The following WNK1 variants were observed in gnomAD, a reference collection of about 807,000 sequenced individuals.
WNK1 encodes serine/threonine-protein kinase WNK1.
A neutral mutation model predicts 222.8 loss-of-function variants in WNK1; 38 were observed. The observed-to-expected ratio is 0.17, with a 90% confidence interval of 0.13 to 0.22. The LOEUF is 0.22. Among genes scored for constraint, WNK1 ranks in the 10% least tolerant of loss-of-function variants. The pLI, the probability that WNK1 is intolerant of heterozygous loss-of-function variation, is 1.00. For missense variants in WNK1, 2,348 were observed against 2,918.4 expected (o/e 0.80, Z 4.50); for synonymous variants, 1,090 against 1,092.9 (o/e 1.00, Z 0.05).
At chr12:818,471 C>T (rs1181764166) in intron 2 of WNK1, among the ~76,000 whole-genome samples, 2 of 152,000 alleles carry the variant, frequency 1.3e-5, no homozygotes, top group African/African-American at 4.8e-5. Flanking sequence ...ACCAGCCATT[C>T]GTGGATGGGA....
chr12:908,444 C>T (rs938981580), intron 27 of WNK1, 31 bp from the exon 28 acceptor site: 11 of 1,612,562 alleles, frequency 6.8e-6, no homozygotes, highest in Non-Finnish European at 9.3e-6. Flanking sequence ...TGGCCCACAC[C>T]AGACTTGACA....
intron 26 of WNK1, among the ~76,000 whole-genome samples, chr12:904,882 G>A (rs764178711): frequency 2.0e-5 from 3 of 152,220 alleles, no homozygotes; most frequent in Non-Finnish European, 2.9e-5. Flanking sequence ...ACTGAAGTGG[G>A]AGATGTGTGC....
At chr12:873,542 A>G (rs895847168) in intron 9 of WNK1, among the ~76,000 whole-genome samples, 2 of 152,232 alleles carry the variant, frequency 1.3e-5, no homozygotes, top group Non-Finnish European at 2.9e-5. Flanking sequence ...TAACTTCTCC[A>G]AAGTCACTTA....
chr12:902,805 C>CTA (rs889178801), intron 26 of WNK1, among the ~76,000 whole-genome samples: 3 of 152,186 alleles, frequency 2.0e-5, no homozygotes, highest in African/African-American at 7.2e-5. Flanking sequence ...GAGTCAGTGC[C>CTA]TACCTGGCAC....
rs745862944 is a variant in WNK1, at chr12:907,895, C to T, written c.6692C>T (p.Ala2231Val). The T allele has an allele frequency of 2.5e-6, 4 of 1,613,984 alleles. No homozygotes were observed. The African/African-American group carries it at 4.0e-5, about 16-fold the overall frequency. Reference protein sequence around the residue: ...TVGATVNSQAAQAQPPAMTSS... With the variant: ...TVGATVNSQAVQAQPPAMTSS... ...GGGGCAACAGTGAACAGCCAAGCCG[C>T]CCAAGCTCAGCCTCCTGCCATGACG... Residue 2231 changes from alanine (A) to valine (V), a missense_variant, in exon 27 of 28, where the codon GCC (alanine) becomes GTC (valine). Ala to Val is a moderately conservative substitution (Grantham distance 64). This residue lies in a region of WNK1 where 1,144 missense variants were observed against 1,273.6 expected (regional missense o/e 0.90). Transcript: ENST00000315939.
chr12:822,420 C>G (rs539478686), intron 2 of WNK1, among the ~76,000 whole-genome samples: 31 of 152,230 alleles, frequency 2.0e-4, no homozygotes, highest in Non-Finnish European at 4.1e-4. Context: ...TAGAGACAGT[C>G]TTGTACTGTT....
At chr12:829,916 A>G (rs562779141) in intron 3 of WNK1, 87 bp from the exon 4 acceptor site, 1 of 1,442,566 alleles carries the variant, frequency 6.9e-7, no homozygotes, top group Non-Finnish European at 9.7e-7. Flanking sequence ...CTTCTCTCTC[A>G]CAGGTCAACC....
intron 4 of WNK1, among the ~76,000 whole-genome samples, chr12:846,795 C>G (rs1832270699): frequency 6.6e-6 from 1 of 152,126 alleles, no homozygotes; most frequent in Non-Finnish European, 1.5e-5. Flanking sequence ...TAACAGATTG[C>G]AATTCACCCT....
intron 26 of WNK1, chr12:906,188 AC>A: frequency 1.8e-6 from 1 of 558,604 alleles, no homozygotes; most frequent in Non-Finnish European, 2.3e-6. Flanking sequence ...TTCACAACTT[AC>A]TTTAGGAGCT....
chr12:865,318 A>G, intron 8 of WNK1: 6 of 1,536,134 alleles, frequency 3.9e-6, no homozygotes, highest in Non-Finnish European at 5.2e-6. Flanking sequence ...TCTGCCTCTC[A>G]GCGCAAGCAC....
At chr12:874,078 C>T (rs958623790) in intron 9 of WNK1, among the ~76,000 whole-genome samples, 2 of 151,850 alleles carry the variant, frequency 1.3e-5, no homozygotes, top group Admixed American at 1.3e-4. Flanking sequence ...ATCACTTGAG[C>T]CCAGGAGTTC....
chr12:787,558 T>C (rs1458797214), intron 1 of WNK1, among the ~76,000 whole-genome samples: 1 of 152,246 alleles, frequency 6.6e-6, no homozygotes, highest in Non-Finnish European at 1.5e-5. Context: ...ATTATTAGCG[T>C]AGTTCTTGTG....
intron 1 of WNK1, among the ~76,000 whole-genome samples, chr12:782,786 G>T (rs1943850366): frequency 6.6e-6 from 1 of 151,722 alleles, no homozygotes; most frequent in Admixed American, 6.6e-5. Flanking sequence ...TTACAGACAT[G>T]AGCCACTGCG....
chr12:854,799 A>C (rs958157341), intron 4 of WNK1, among the ~76,000 whole-genome samples: 17 of 152,216 alleles, frequency 1.1e-4, no homozygotes, highest in African/African-American at 3.9e-4. Flanking sequence ...CAAAATTTGA[A>C]GATGCTCAAG....
chr12:841,621 G>T (rs1231411264), intron 4 of WNK1, among the ~76,000 whole-genome samples: 1 of 152,024 alleles, frequency 6.6e-6, no homozygotes. Flanking sequence ...GTCCATTTGG[G>T]CTGCTATATC....
intron 6 of WNK1, among the ~76,000 whole-genome samples, chr12:860,460 A>G (rs72648676): frequency 6.6e-6 from 1 of 152,246 alleles, no homozygotes; most frequent in Non-Finnish European, 1.5e-5. Flanking sequence ...GAACCATTCA[A>G]AAGTGGTAGT....
chr12:891,307 T>G (rs1171201412), intron 22 of WNK1, among the ~76,000 whole-genome samples: 1 of 152,150 alleles, frequency 6.6e-6, no homozygotes, highest in African/African-American at 2.4e-5. Flanking sequence ...CCTGGATAAT[T>G]TTGTATTTTT....
At chr12:771,275 G>A (rs906856146) in intron 1 of WNK1, among the ~76,000 whole-genome samples, 12 of 152,126 alleles carry the variant, frequency 7.9e-5, no homozygotes, top group Non-Finnish European at 1.5e-4. Context: ...GGGATGACAG[G>A]TGTGAGCTAC....
At chr12:869,236 C>A in intron 8 of WNK1, 1 of 1,358,800 alleles carries the variant, frequency 7.4e-7, no homozygotes, top group Non-Finnish European at 1.0e-6. Context: ...TAGAGTTTCC[C>A]CATCTTTGGG....
Sources: allele counts gnomAD v4.1 joint callset (sites outside exome capture counted in the v4.1 genomes callset), GRCh38; gene constraint gnomAD v4.1.1; regional missense constraint gnomAD v4.1.1; transcripts MANE v1.5; gene names NCBI Gene and HGNC (gene_info 2026-07-23, HGNC 2026-07-21).